The following ELAPOR2 variants were observed in gnomAD, a reference collection of about 807,000 sequenced individuals.
The protein encoded by ELAPOR2 is endosome-lysosome associated apoptosis and autophagy regulator family member 2.
Under a neutral mutation model 120.7 loss-of-function variants are expected in ELAPOR2, and 89 were observed. That is an observed-to-expected ratio of 0.74 (90% CI 0.62 to 0.88). ELAPOR2 has a LOEUF of 0.88. ELAPOR2 is among the 40% of genes least tolerant of loss of function. ELAPOR2 has a pLI of 0.00. For missense variants in ELAPOR2, 1,134 were observed against 1,251.6 expected, an observed-to-expected ratio of 0.91 and a Z score of 1.42; for synonymous variants, 444 against 444.9, an observed-to-expected ratio of 1.00 and a Z score of 0.03.
rs1027113073 is a variant in ELAPOR2 at position 86,925,751 on chromosome 7, G to T, written c.1271-95C>A. ...CAAACACACTACATTACAATTAGCA[G>T]GGAGAGAAGTGGAAAAAAAAGATAT... On this transcript the variant is annotated intron_variant, in intron 9 of 21. Coordinates refer to ENST00000450689, the MANE Select transcript of ELAPOR2 (RefSeq NM_001142749.3). 7 of 1,135,766 alleles carry T rather than the reference G, an allele frequency of 6.2e-6. No individual in the cohort carries two copies. In the Admixed American group the frequency reaches 1.0e-4, roughly 16 times the overall value. 70.4% of individuals were successfully genotyped at this position (1,135,766 alleles called of 1,614,324 possible). A position where few individuals can be genotyped will look rare whatever the true frequency, so the allele number is the denominator to read the frequency against.
At chr7:86,926,997 A>G (rs1790102507) in intron 8 of ELAPOR2, 81 bp from the exon 9 acceptor site, 5 of 1,328,956 alleles carry the variant, frequency 3.8e-6, no homozygotes, top group Non-Finnish European at 5.0e-6. Context: ...CAGTATAGGA[A>G]AAGTACAAAT....
At chr7:86,974,184 C>T (rs1792196894) in intron 1 of ELAPOR2, among the ~76,000 whole-genome samples, 4 of 152,022 alleles carry the variant, frequency 2.6e-5, no homozygotes, top group Admixed American at 2.6e-4. Flanking sequence ...TGTATATAAG[C>T]TAATAAATTC....
At chr7:86,929,107 C>G (rs961050508) in intron 8 of ELAPOR2, among the ~76,000 whole-genome samples, 10 of 151,822 alleles carry the variant, frequency 6.6e-5, no homozygotes, top group Admixed American at 5.9e-4. Flanking sequence ...CAAAAGAGAT[C>G]CAGTGTCTGC....
intron 21 of ELAPOR2, chr7:86,891,490 T>C: frequency 4.7e-6 from 2 of 427,810 alleles, no homozygotes; most frequent in Non-Finnish European, 8.3e-6. Flanking sequence ...TCTATCACTT[T>C]GACAGATGAA....
At chr7:87,038,564 A>G (rs542494583) in intron 1 of ELAPOR2, among the ~76,000 whole-genome samples, 1 of 152,332 alleles carries the variant, frequency 6.6e-6, no homozygotes, top group East Asian at 1.9e-4. Flanking sequence ...AATACATTCA[A>G]AAGACTGAAA....
chr7:87,050,527 C>T (rs556588409), intron 1 of ELAPOR2, among the ~76,000 whole-genome samples: 33 of 152,272 alleles, frequency 2.2e-4, no homozygotes, highest in Non-Finnish European at 3.1e-4. Flanking sequence ...TCTGCCAGCA[C>T]TGTGCTTCCT....
chr7:87,023,930 T>C (rs1004004595), intron 1 of ELAPOR2, among the ~76,000 whole-genome samples: 15 of 152,234 alleles, frequency 9.9e-5, no homozygotes, highest in South Asian at 2.1e-4. Context: ...CCTGAGACTT[T>C]GCTGAAGTTG....
At position 87,028,441 on chromosome 7, in the gene ELAPOR2, C is replaced by T. The variant is rs537051248; in HGVS notation, c.189+30884G>A. Reference sequence around the variant, plus strand: ...CTAACTCTCCTGATGTGCCCTAGCACTTGGTCCTTGACTACTTCTTTTTAG... The same window carrying T: ...CTAACTCTCCTGATGTGCCCTAGCATTTGGTCCTTGACTACTTCTTTTTAG... On this transcript the variant is annotated intron_variant, in intron 1 of 21. Transcript: ENST00000450689. 2.6e-5 allele frequency among the ~76,000 whole-genome samples: 4 copies of T among 152,262 alleles called. No homozygotes were observed. In the South Asian group the frequency reaches 8.3e-4, roughly 32 times the overall value.
chr7:86,883,602 TC>T (rs1226238955), intron 21 of ELAPOR2, among the ~76,000 whole-genome samples: 1 of 152,170 alleles, frequency 6.6e-6, no homozygotes, highest in Non-Finnish European at 1.5e-5. Context: ...CGAATGAATC[TC>T]AAAAATATCT....
At chr7:86,939,443 CACAATGAACATATTAAA>C (rs1277852688) in intron 6 of ELAPOR2, among the ~76,000 whole-genome samples, 9 of 151,994 alleles carry the variant, frequency 5.9e-5, no homozygotes, top group African/African-American at 1.9e-4. Context: ...GGAACAAGCC[CACAATGAACATATTAAA>C]ACGTAAGCCA....
rs573514082 is a variant in ELAPOR2 at position 87,055,920 on chromosome 7, A to C, written c.189+3405T>G. On this transcript the variant is annotated intron_variant, in intron 1 of 21. Coordinates refer to ENST00000450689, the MANE Select transcript of ELAPOR2 (RefSeq NM_001142749.3). ...ATTGCATTATGCAAGATTTTACAGC[A>C]GTGAACTAAGAATCAGCTATTTTGT... 8.5e-5 allele frequency among the ~76,000 whole-genome samples: 13 copies of C among 152,396 alleles called. No homozygotes were observed. In the South Asian group the frequency reaches 2.5e-3, roughly 29 times the overall value.
intron 1 of ELAPOR2, among the ~76,000 whole-genome samples, chr7:86,967,343 T>A (rs1416460544): frequency 5.3e-5 from 8 of 152,010 alleles, no homozygotes; most frequent in Admixed American, 5.2e-4. Context: ...GCTTCCCAGC[T>A]ACTTGTGAGG....
At chr7:86,924,707 C>T (rs1177510678) in intron 10 of ELAPOR2, among the ~76,000 whole-genome samples, 3 of 151,794 alleles carry the variant, frequency 2.0e-5, no homozygotes, top group Non-Finnish European at 4.4e-5. Context: ...TTGTCAATCT[C>T]TGTGCTCATG....
chr7:86,939,424 T>A (rs979618388), intron 6 of ELAPOR2, among the ~76,000 whole-genome samples: 2 of 152,038 alleles, frequency 1.3e-5, no homozygotes, highest in Admixed American at 1.3e-4. Flanking sequence ...AGTTAACACA[T>A]TGTTCACAGG....
chr7:86,892,862 G>C (rs1788234774), intron 20 of ELAPOR2, 60 bp downstream of exon 20: 1 of 1,372,294 alleles, frequency 7.3e-7, no homozygotes, highest in African/African-American at 1.5e-5. Context: ...ATCAAGTCTA[G>C]AATTTTCACA....
intron 1 of ELAPOR2, among the ~76,000 whole-genome samples, chr7:87,051,496 G>A (rs145963986): frequency 7.0e-4 from 107 of 152,250 alleles, no homozygotes; most frequent in African/African-American, 1.1e-3. Flanking sequence ...TGATATTGGC[G>A]ACTGCATTAG....
At chr7:86,896,187 T>A (rs1788428967) in intron 19 of ELAPOR2, among the ~76,000 whole-genome samples, 1 of 152,154 alleles carries the variant, frequency 6.6e-6, no homozygotes, top group African/African-American at 2.4e-5. Context: ...AATAAAAATA[T>A]ACTTTACATT....
chr7:87,025,201 C>G (rs568471561), intron 1 of ELAPOR2, among the ~76,000 whole-genome samples: 1 of 152,192 alleles, frequency 6.6e-6, no homozygotes, highest in South Asian at 2.1e-4. Flanking sequence ...AAGCAGTCAT[C>G]TGTTGGCAGA....
chr7:86,902,480 GTC>G (rs1788772218), intron 18 of ELAPOR2, among the ~76,000 whole-genome samples: 1 of 152,128 alleles, frequency 6.6e-6, no homozygotes, highest in African/African-American at 2.4e-5. Flanking sequence ...CAGGCCTGGA[GTC>G]TCTTTTATAA....
Sources: allele counts gnomAD v4.1 joint callset (sites outside exome capture counted in the v4.1 genomes callset), GRCh38; gene constraint gnomAD v4.1.1; transcripts MANE v1.5; gene names NCBI Gene and HGNC (gene_info 2026-07-23, HGNC 2026-07-21).